Variants in SLC47A1 observed in about 807,000 individuals in gnomAD.
SLC47A1 encodes the protein solute carrier family 47 member 1, also known as multidrug and toxin extrusion protein 1.
SLC47A1 carries 58 observed loss-of-function variants against 65.8 expected under a neutral mutation model. The observed-to-expected ratio is 0.88, with a 90% CI of 0.71 to 1.10. SLC47A1 has a LOEUF of 1.10. SLC47A1 is among the 50% of genes least tolerant of loss of function. SLC47A1 has a pLI of 0.00. For synonymous variants in SLC47A1, 285 were observed against 295.0 expected (o/e 0.97, Z 0.35); for missense variants, 706 against 719.2 (o/e 0.98, Z 0.21).
Position 19,549,888 on chromosome 17 carries a change from G to A in SLC47A1, c.498+211G>A, listed in dbSNP as rs534271311. ...ACCAAGATTGAGGCTACTCCAGGAC[G>A]TCTGGAGTAGAGCTGGAGAGACCTC... On this transcript the variant is annotated intron_variant, in intron 5 of 16. Transcript: ENST00000270570. Among the ~76,000 whole-genome samples the A allele has an allele frequency of 5.3e-5, 8 of 152,310 alleles. No homozygotes were observed. In the East Asian group the frequency reaches 7.7e-4, roughly 15 times the overall value.
At chr17:19,535,031 T>G (rs1915954594) in intron 1 of SLC47A1, 1 of 152,222 alleles carries the variant, frequency 6.6e-6, no homozygotes, top group South Asian at 2.1e-4. Flanking sequence ...CTCGGTAGTT[T>G]GTGGGATATT....
chr17:19,542,491 C>T lies in SLC47A1; in HGVS notation c.234C>T (p.Ile78=), dbSNP rs760362357. ...AGCTGGATGCAGTCACGCTGGCAAT[C>T]GCGGTACGTGTGGGCTTTCTGGCAG... ...KLELDAVTLA[I]AVINVTGVSV... is the part of the protein sequence containing the mutation. Residue 78 remains isoleucine (I), a synonymous_variant, in exon 2 of 17, where the codon ATC becomes ATT. Coordinates refer to ENST00000270570, the MANE Select transcript of SLC47A1 (RefSeq NM_018242.3). 20 of 1,610,846 alleles carry T rather than the reference C, an allele frequency of 1.2e-5. No individual in the cohort carries two copies. Among genetic ancestry groups the T allele is most frequent in the East Asian group, 1.1e-4 (5 of 44,772 alleles).
At chr17:19,548,384 G>C (rs1916351242) in intron 4 of SLC47A1, among the ~76,000 whole-genome samples, 1 of 152,144 alleles carries the variant, frequency 6.6e-6, no homozygotes, top group Non-Finnish European at 1.5e-5. Context: ...CATGTGGGAT[G>C]GTAGTTTGTG....
chr17:19,556,174 G>A, intron 10 of SLC47A1, 112 bp downstream of exon 10: 3 of 1,258,894 alleles, frequency 2.4e-6, no homozygotes, highest in Non-Finnish European at 3.4e-6. Context: ...GTGAAATGAT[G>A]GACAAAAGTC....
intron 1 of SLC47A1, chr17:19,535,372 T>A (rs1297222012): frequency 6.6e-6 from 1 of 151,066 alleles, no homozygotes; most frequent in African/African-American, 2.4e-5. Context: ...GAAGTGGAGG[T>A]TACAGTGAGC....
intron 5 of SLC47A1, among the ~76,000 whole-genome samples, chr17:19,550,295 A>G (rs1269477678): frequency 6.6e-6 from 1 of 150,524 alleles, no homozygotes; most frequent in East Asian, 1.9e-4. Context: ...CTAATTTTTT[A>G]GTTTTGTAGA....
Position 19,564,034 on chromosome 17 carries a change from A to C in SLC47A1, c.1107-2756A>C, listed in dbSNP as rs2084337347. ...TAGACAGAATTTAGCAGCACATTGA[A>C]AAGAATATATTTGGGTGAAATATAA... is the stretch of plus-strand genomic sequence containing the variant. On this transcript the variant is annotated intron_variant, in intron 12 of 16. Transcript: ENST00000270570. Among the ~76,000 whole-genome samples the C allele has an allele frequency of 1.3e-5, 2 of 149,934 alleles. 1 individual carries two copies. The highest frequency in any genetic ancestry group is 4.9e-5 in the African/African-American group (2 of 40,640).
chr17:19,550,330 T>G (rs1296401887), intron 5 of SLC47A1, among the ~76,000 whole-genome samples: 1 of 152,052 alleles, frequency 6.6e-6, no homozygotes, highest in African/African-American at 2.4e-5. Flanking sequence ...AATTTTTTTT[T>G]TCTAAGATAG....
At chr17:19,546,858 C>A (rs555568680) in intron 3 of SLC47A1, 1 of 205,186 alleles carries the variant, frequency 4.9e-6, no homozygotes, top group African/African-American at 2.3e-5. Flanking sequence ...GCTTGCCTGG[C>A]CCCACCCAGT....
intron 1 of SLC47A1, among the ~76,000 whole-genome samples, chr17:19,535,912 C>T (rs1279913169): frequency 6.6e-6 from 1 of 152,136 alleles, no homozygotes; most frequent in Non-Finnish European, 1.5e-5. Context: ...CTTGGTTCAA[C>T]ACTCCCTCAC....
At chr17:19,561,076 G>T (rs1025933672) in intron 12 of SLC47A1, among the ~76,000 whole-genome samples, 1 of 151,864 alleles carries the variant, frequency 6.6e-6, no homozygotes, top group Non-Finnish European at 1.5e-5. Context: ...GGCCAACATG[G>T]TGAAACCCCC....
chr17:19,570,435 T>C (rs762063049), intron 14 of SLC47A1, among the ~76,000 whole-genome samples: 1 of 152,208 alleles, frequency 6.6e-6, no homozygotes, highest in Non-Finnish European at 1.5e-5. Flanking sequence ...TGGAGATTGT[T>C]GATCTGGGGG....
At chr17:19,557,507 A>G in intron 10 of SLC47A1, 1 of 483,674 alleles carries the variant, frequency 2.1e-6, no homozygotes, top group Non-Finnish European at 4.2e-6. Context: ...CATCCTAGGA[A>G]AAAATATCTT....
intron 15 of SLC47A1, 133 bp from the exon 16 acceptor site, chr17:19,572,647 C>T (rs1356111584): frequency 1.2e-5 from 9 of 759,846 alleles, no homozygotes; most frequent in Middle Eastern, 3.7e-4. Flanking sequence ...GAAAGATGAC[C>T]TGTGAATGAG....
At chr17:19,535,554 A>T (rs937590473) in intron 1 of SLC47A1, 1 of 152,236 alleles carries the variant, frequency 6.6e-6, no homozygotes, top group African/African-American at 2.4e-5. Context: ...GATTGAGACC[A>T]TCCTGGCCAA....
rs776738166 is a variant in SLC47A1, at chr17:19,555,642, CTCTT to C, written c.695_698del (p.Phe232SerfsTer88). On this transcript the variant is annotated frameshift_variant, in exon 8 of 17. Coordinates refer to ENST00000270570, the MANE Select transcript of SLC47A1 (RefSeq NM_018242.3). LOFTEE classifies it high-confidence loss of function. Reference sequence around the variant, plus strand: ...TTCCCAGTACACCCTGGCTCTACTCCTCTTTCTCTACATCCTCGGGAAAAAACTG... The same window carrying C: ...TTCCCAGTACACCCTGGCTCTACTCCTCTCTACATCCTCGGGAAAAAACTG... The C allele has an allele frequency of 1.2e-6, 2 of 1,614,222 alleles. No individual in the cohort carries two copies. Among genetic ancestry groups the C allele is most frequent in the Non-Finnish European group, 1.7e-6 (2 of 1,180,044 alleles).
intron 4 of SLC47A1, among the ~76,000 whole-genome samples, chr17:19,548,944 A>G (rs1916368862): frequency 6.6e-6 from 1 of 152,122 alleles, no homozygotes; most frequent in Admixed American, 6.5e-5. Context: ...TGAACCCAGG[A>G]GACGTTTGAC....
intron 16 of SLC47A1, 25 bp from the exon 17 acceptor site, chr17:19,577,302 C>T (rs2152318383): frequency 6.2e-7 from 1 of 1,608,382 alleles, no homozygotes; most frequent in Non-Finnish European, 8.5e-7. Context: ...CCCTTTTAAG[C>T]TGCTAAGTTC....
intron 15 of SLC47A1, 149 bp downstream of exon 15, chr17:19,571,721 A>G: frequency 1.6e-6 from 1 of 636,472 alleles, no homozygotes; most frequent in Non-Finnish European, 2.7e-6. Context: ...TTTTAACTAG[A>G]CAGTTCAGAT....
Sources: allele counts gnomAD v4.1 joint callset (sites outside exome capture counted in the v4.1 genomes callset), GRCh38; gene constraint gnomAD v4.1.1; transcripts MANE v1.5; gene names NCBI Gene and HGNC (gene_info 2026-07-23, HGNC 2026-07-21).